JPH3: variants seen among roughly 807,000 people sequenced by gnomAD.
JPH3 encodes the protein junctophilin-3.
In JPH3, 11 loss-of-function variants were observed where a neutral mutation model predicts 59.6. The ratio of observed to expected loss-of-function variants is 0.18; its 90% CI spans 0.12 to 0.31. The LOEUF is 0.31. JPH3 is among the 10% of genes least tolerant of loss of function. The pLI, the probability that JPH3 is intolerant of heterozygous loss-of-function variation, is 1.00. For missense variants in JPH3, 1,202 were observed against 1,105.7 expected (o/e 1.09, Z -1.24); for synonymous variants, 673 against 483.6 (o/e 1.39, Z -5.14).
upstream of JPH3, among the ~76,000 whole-genome samples, chr16:87,602,359 C>G (rs1305836498): frequency 7.5e-6 from 1 of 133,812 alleles, no homozygotes; most frequent in Non-Finnish European, 1.6e-5. Flanking sequence ...GGTCCCCGCC[C>G]GCGCGCCGCG....
intron 2 of JPH3, among the ~76,000 whole-genome samples, chr16:87,651,115 G>T (rs542631026): frequency 1.6e-4 from 25 of 152,322 alleles, no homozygotes; most frequent in South Asian, 2.1e-4. Flanking sequence ...TAAGAATTGT[G>T]TAAAATCCAC....
chr16:87,641,476 C>T (rs1344951108), intron 1 of JPH3, among the ~76,000 whole-genome samples: 1 of 152,198 alleles, frequency 6.6e-6, no homozygotes, highest in African/African-American at 2.4e-5. Flanking sequence ...ATCCTATCCC[C>T]TTGCCTGAAA....
chr16:87,617,370 G>A (rs985253824), intron 1 of JPH3, among the ~76,000 whole-genome samples: 12 of 151,500 alleles, frequency 7.9e-5, no homozygotes, highest in African/African-American at 2.4e-4. Flanking sequence ...GTGGGATGTC[G>A]TGAATTTAAA....
chr16:87,654,333 G>A (rs12445248), intron 2 of JPH3: 45,143 of 151,602 alleles, frequency 0.3, 6,912 homozygotes, highest in South Asian at 0.43. Context: ...CCTTTATGTG[G>A]GCATTTATCT....
intron 2 of JPH3, 92 bp downstream of exon 2, chr16:87,645,127 G>A: frequency 1.5e-6 from 2 of 1,343,622 alleles, no homozygotes; most frequent in Non-Finnish European, 2.0e-6. Context: ...TCAAGGCCTT[G>A]GGCTAGGCCC....
At chr16:87,618,591 A>G (rs1334895926) in intron 1 of JPH3, among the ~76,000 whole-genome samples, 1 of 152,148 alleles carries the variant, frequency 6.6e-6, no homozygotes, top group Non-Finnish European at 1.5e-5. Context: ...CCACCTGGCC[A>G]CACTGTTTAC....
intron 2 of JPH3, among the ~76,000 whole-genome samples, chr16:87,655,755 C>T (rs1414591315): frequency 2.6e-5 from 4 of 152,264 alleles, no homozygotes; most frequent in South Asian, 2.1e-4. Context: ...CACCAGCCCA[C>T]GTCTCGGCCC....
At chr16:87,657,817 G>T (rs982729976) in intron 2 of JPH3, among the ~76,000 whole-genome samples, 1 of 152,168 alleles carries the variant, frequency 6.6e-6, no homozygotes, top group Non-Finnish European at 1.5e-5. Context: ...ACTCGGTTAC[G>T]TGACCACACC....
chr16:87,695,045 C>T (rs1375156426), intron 4 of JPH3: 2 of 336,196 alleles, frequency 5.9e-6, no homozygotes, highest in Admixed American at 4.0e-5. Flanking sequence ...GGAGGCTTGA[C>T]TTTGCCCTCT....
At chr16:87,668,850 G>T (rs964178622) in intron 2 of JPH3, among the ~76,000 whole-genome samples, 2 of 152,108 alleles carry the variant, frequency 1.3e-5, no homozygotes, top group African/African-American at 4.8e-5. Context: ...AGCCCTAACT[G>T]GGACCCAGAC....
At position 87,669,890 on chromosome 16, in the gene JPH3, C is replaced by T. The variant is rs112556350; in HGVS notation, c.1161-14252C>T. Among the ~76,000 whole-genome samples the T allele has an allele frequency of 4.4e-3, 673 of 152,078 alleles. 4 individuals are homozygous for T. Among genetic ancestry groups the T allele is most frequent in the African/African-American group, 0.015 (630 of 41,482 alleles). ...GAGCAGAGAGGTTGCAGCAGCCGGCCGGCCTCTCTCGGTGAGGGCCGGACT... is the reference window on the plus strand; with the variant it reads ...GAGCAGAGAGGTTGCAGCAGCCGGCTGGCCTCTCTCGGTGAGGGCCGGACT... On this transcript the variant is annotated intron_variant, in intron 2 of 4. Coordinates refer to ENST00000284262, the MANE Select transcript of JPH3 (RefSeq NM_020655.4).
chr16:87,606,275 A>G (rs1159451265), intron 1 of JPH3, among the ~76,000 whole-genome samples: 1 of 152,246 alleles, frequency 6.6e-6, no homozygotes, highest in Non-Finnish European at 1.5e-5. Flanking sequence ...GAAGCTCTGG[A>G]ACCTCAGCCC....
At chr16:87,669,085 G>A (rs1235484440) in intron 2 of JPH3, among the ~76,000 whole-genome samples, 3 of 152,256 alleles carry the variant, frequency 2.0e-5, no homozygotes, top group Admixed American at 6.5e-5. Flanking sequence ...GCACAGGGGC[G>A]TGGAGGCGTG....
intron 3 of JPH3, among the ~76,000 whole-genome samples, chr16:87,688,265 G>A (rs1240242008): frequency 6.6e-6 from 1 of 152,140 alleles, no homozygotes; most frequent in Non-Finnish European, 1.5e-5. Context: ...ACCCAGCTGT[G>A]CCCCAAGCCC....
chr16:87,621,760 G>C (rs1199879561), intron 1 of JPH3, among the ~76,000 whole-genome samples: 1 of 152,174 alleles, frequency 6.6e-6, no homozygotes, highest in Non-Finnish European at 1.5e-5. Context: ...AGGGTTTGGG[G>C]TTTGGGTGGG....
chr16:87,632,562 C>G (rs775583352), intron 1 of JPH3, among the ~76,000 whole-genome samples: 2 of 152,192 alleles, frequency 1.3e-5, no homozygotes, highest in Non-Finnish European at 2.9e-5. Context: ...GCTGAAGCAG[C>G]TGGACTACAG....
intron 2 of JPH3, among the ~76,000 whole-genome samples, chr16:87,665,200 G>A (rs576076923): frequency 6.6e-6 from 1 of 152,222 alleles, no homozygotes; most frequent in Admixed American, 6.5e-5. Flanking sequence ...TCCCCAGGGT[G>A]AGCTCACAGG....
At chr16:87,622,497 T>A (rs909387229) in intron 1 of JPH3, among the ~76,000 whole-genome samples, 8 of 139,582 alleles carry the variant, frequency 5.7e-5, no homozygotes, top group Admixed American at 2.9e-4. Context: ...CAGCCTCTCC[T>A]TCCTGTGAAG....
chr16:87,684,718 C>T (rs542806552), intron 3 of JPH3, among the ~76,000 whole-genome samples: 30 of 152,368 alleles, frequency 2.0e-4, no homozygotes, highest in African/African-American at 7.0e-4. Flanking sequence ...TACCATTAAA[C>T]ACACCCAGTG....
Sources: allele counts gnomAD v4.1 joint callset (sites outside exome capture counted in the v4.1 genomes callset), GRCh38; gene constraint gnomAD v4.1.1; transcripts MANE v1.5; gene names NCBI Gene and HGNC (gene_info 2026-07-23, HGNC 2026-07-21).